ACSBG1: variants seen among roughly 807,000 people sequenced by gnomAD.
ACSBG1 encodes acyl-CoA synthetase bubblegum family member 1.
Under a neutral mutation model 80.2 loss-of-function variants are expected in ACSBG1, and 39 were observed. The ratio of observed to expected loss-of-function variants is 0.49; its 90% CI spans 0.38 to 0.64. ACSBG1 has a LOEUF of 0.64. Ranked by LOEUF, ACSBG1 falls within the 30% of genes least tolerant of loss-of-function variation. The pLI is 0.00. For missense variants in ACSBG1, 828 were observed against 966.4 expected, an observed-to-expected ratio of 0.86 and a Z score of 1.90; for synonymous variants, 392 against 379.5, an observed-to-expected ratio of 1.03 and a Z score of -0.38.
rs2304824 is a variant in ACSBG1 at position 78,173,785 on chromosome 15, T to C, written c.1897A>G (p.Met633Val). 0.5 allele frequency: 806,569 copies of C among 1,613,758 alleles called. 204,881 individuals are homozygous for C. The highest frequency in any genetic ancestry group is 0.7 in the African/African-American group (52,161 of 74,942). Residue 633 changes from methionine to valine, a missense_variant, in exon 13 of 14, where the codon ATG becomes GTG. Coordinates refer to ENST00000258873, the MANE Select transcript of ACSBG1 (RefSeq NM_015162.5). Reference protein sequence around the residue: ...DQTDNLTEQAMEFCQRVGSRA... With the variant: ...DQTDNLTEQAVEFCQRVGSRA... ...CTGCCCACCCTCTGGCAGAACTCCA[T>C]AGCTTGTTCAGTCAGATTATCAGTC...
At chr15:78,211,431 T>C (rs1239509985) in intron 1 of ACSBG1, among the ~76,000 whole-genome samples, 1 of 152,258 alleles carries the variant, frequency 6.6e-6, no homozygotes, top group Non-Finnish European at 1.5e-5. Context: ...GGCTTCTGTC[T>C]GCATTTTGAA....
rs200899997 is a variant in ACSBG1, at chr15:78,169,034, C to T, written c.*2410G>A. On this transcript the variant is annotated 3_prime_UTR_variant, in exon 14 of 14. Coordinates refer to ENST00000258873, the MANE Select transcript of ACSBG1 (RefSeq NM_015162.5). ...TTCTACAACTGGCATTTACATCAGT[C>T]ACTCTAAATGGACACCACATGAACC... 721 of 1,385,008 alleles carry T rather than the reference C, an allele frequency of 5.2e-4. 1 individual carries two copies. The highest frequency in any genetic ancestry group is 6.5e-4 in the Non-Finnish European group (638 of 974,772). 85.8% of individuals were successfully genotyped at this position (1,385,008 alleles called of 1,614,324 possible). A position where few individuals can be genotyped will look rare whatever the true frequency, so the allele number is the denominator to read the frequency against.
intron 1 of ACSBG1, among the ~76,000 whole-genome samples, chr15:78,211,469 G>C (rs966146658): frequency 6.6e-6 from 1 of 152,220 alleles, no homozygotes; most frequent in Non-Finnish European, 1.5e-5. Flanking sequence ...AGCTTACAAG[G>C]TTGGCCCTTT....
intron 5 of ACSBG1, among the ~76,000 whole-genome samples, chr15:78,186,637 C>T (rs1395234128): frequency 6.6e-6 from 1 of 151,972 alleles, no homozygotes; most frequent in South Asian, 2.1e-4. Context: ...AGAACAAAGA[C>T]ACAACATACC....
intron 5 of ACSBG1, among the ~76,000 whole-genome samples, chr15:78,190,718 A>G (rs1414813506): frequency 2.0e-5 from 3 of 152,160 alleles, no homozygotes; most frequent in African/African-American, 7.2e-5. Flanking sequence ...ATACTGTTGT[A>G]TGGTTCCACA....
chr15:78,232,914 T>C (rs187211474), intron 1 of ACSBG1, among the ~76,000 whole-genome samples: 26 of 152,248 alleles, frequency 1.7e-4, no homozygotes, highest in African/African-American at 6.3e-4. Flanking sequence ...CTCCTGACCT[T>C]GGGTGATCCA....
intron 2 of ACSBG1, among the ~76,000 whole-genome samples, chr15:78,195,140 G>A (rs929522773): frequency 8.5e-5 from 13 of 152,186 alleles, no homozygotes; most frequent in African/African-American, 1.7e-4. Flanking sequence ...CTAGACAGAA[G>A]GTCAAAGCAC....
chr15:78,193,958 G>A lies in ACSBG1; in HGVS notation c.516C>T (p.Phe172=). ...CTGCAAATACTGTGCCCACTGCCGA[G>A]AAGAACCACTCCGGGGAGTTGAAGC... ...ILGFNSPEWF[F]SAVGTVFAGG... is the part of the protein sequence containing the mutation. The change falls in exon 4 of 14, where the codon TTC becomes TTT. Residue 172 remains phenylalanine (F), a synonymous_variant. Transcript: ENST00000258873. 1 of 1,614,044 alleles carries A rather than the reference G, an allele frequency of 6.2e-7. No individual in the cohort carries two copies. The highest frequency in any genetic ancestry group is 1.7e-5 in the Admixed American group (1 of 60,024).
At position 78,178,136 on chromosome 15, in the gene ACSBG1, G is replaced by A. The variant is rs2074901709; in HGVS notation, c.1702+478C>T. Among the ~76,000 whole-genome samples the A allele has an allele frequency of 6.6e-6, 1 of 152,132 alleles. No homozygotes were observed. Among genetic ancestry groups the A allele is most frequent in the African/African-American group, 2.4e-5 (1 of 41,416 alleles). On this transcript the variant is annotated intron_variant, in intron 11 of 13. Coordinates refer to ENST00000258873, the MANE Select transcript of ACSBG1 (RefSeq NM_015162.5). The surrounding 1 kb of genome is among the most constrained non-coding windows in gnomAD (Gnocchi z 4.3). ...CTCATTAGCAAGTTAAGGTTAATAA[G>A]TACCTGCCCCATAGGAGAGTGGAGT...
chr15:78,198,409 C>A (rs530236931), intron 2 of ACSBG1, among the ~76,000 whole-genome samples: 1 of 151,792 alleles, frequency 6.6e-6, no homozygotes, highest in Admixed American at 6.6e-5. Context: ...TGCAGTGGCA[C>A]GATCTTGGCT....
chr15:78,206,390 C>G (rs1334125297), intron 2 of ACSBG1, among the ~76,000 whole-genome samples: 1 of 152,226 alleles, frequency 6.6e-6, no homozygotes, highest in Non-Finnish European at 1.5e-5. Context: ...TGTCCCTGCC[C>G]TTTACAGAGG....
At chr15:78,176,348 C>T (rs1266120345) in intron 11 of ACSBG1, among the ~76,000 whole-genome samples, 2 of 152,102 alleles carry the variant, frequency 1.3e-5, no homozygotes, top group African/African-American at 4.8e-5. Context: ...AATTCATCTG[C>T]TATTTGCAGA....
At chr15:78,217,475 G>A (rs1814502895) in intron 1 of ACSBG1, among the ~76,000 whole-genome samples, 1 of 152,126 alleles carries the variant, frequency 6.6e-6, no homozygotes, top group Non-Finnish European at 1.5e-5. Context: ...AGCAGGATAG[G>A]GACAAAGAAT....
At chr15:78,206,628 CCT>C in intron 2 of ACSBG1, among the ~76,000 whole-genome samples, 1 of 152,300 alleles carries the variant, frequency 6.6e-6, no homozygotes, top group South Asian at 2.1e-4. Context: ...GGGCCTTCTC[CCT>C]GTCCCTCATC....
At chr15:78,184,724 C>T (rs1462700826) in intron 5 of ACSBG1, among the ~76,000 whole-genome samples, 2 of 152,162 alleles carry the variant, frequency 1.3e-5, no homozygotes, top group African/African-American at 2.4e-5. Context: ...ATTCTGATCA[C>T]AAGGGAGTAA....
Position 78,180,802 on chromosome 15 carries a change from CA to C in ACSBG1, c.1205del (p.Leu402ArgfsTer6). Reference sequence around the variant, plus strand: ...GCTCCAAGGTCACCGACATGGCCCACAGCAGCATCTTTCGCCGGATGAAGCC... The same window carrying C: ...GCTCCAAGGTCACCGACATGGCCCACGCAGCATCTTTCGCCGGATGAAGCC... Reference protein sequence around the residue: ...QSGFIRRKMLLWAMSVTLEQN... With the variant: ...QSGFIRRKMLXWAMSVTLEQN... On this transcript the variant is annotated frameshift_variant, in exon 9 of 14. Coordinates refer to ENST00000258873, the MANE Select transcript of ACSBG1 (RefSeq NM_015162.5). LOFTEE classifies it high-confidence loss of function. 1.2e-6 allele frequency: 2 copies of C among 1,614,248 alleles called. No homozygotes were observed. Among genetic ancestry groups the C allele is most frequent in the Non-Finnish European group, 1.7e-6 (2 of 1,180,046 alleles).
rs550570298 is a variant in ACSBG1, at chr15:78,210,637, A to C, written c.132-2535T>G. 2.6e-5 allele frequency among the ~76,000 whole-genome samples: 4 copies of C among 152,334 alleles called. No individual in the cohort carries two copies. In the South Asian group the frequency reaches 8.3e-4, roughly 32 times the overall value. ...ATGTATTTATTTATATTTTGCAGAC[A>C]GGGCCTTGCTCTGTTACCCAGGCTG... On this transcript the variant is annotated intron_variant, in intron 1 of 13. Transcript: ENST00000258873.
intron 8 of ACSBG1, 68 bp from the exon 9 acceptor site, chr15:78,181,004 C>A: frequency 6.4e-7 from 1 of 1,556,840 alleles, no homozygotes. Flanking sequence ...CCCCTCTTAC[C>A]AGCCAGGCAT....
chr15:78,194,089 C>A (rs2075087465), intron 3 of ACSBG1, 69 bp from the exon 4 acceptor site: 3 of 1,486,832 alleles, frequency 2.0e-6, no homozygotes, highest in Non-Finnish European at 2.8e-6. Context: ...CCTCTCAGAG[C>A]CCCCACCCAG....
Sources: gnomAD v4.1 joint callset for allele counts (sites outside exome capture counted in the v4.1 genomes callset) on GRCh38, gnomAD v4.1.1 for gene constraint, Gnocchi (gnomAD v3.1) non-coding constraint, MANE v1.5 for transcripts, NCBI Gene and HGNC (gene_info 2026-07-23, HGNC 2026-07-21) for gene names.